Variants in LY86 observed in about 807,000 individuals in gnomAD.
The protein encoded by LY86 is MD-1, RP105-associated.
A neutral mutation model predicts 17.3 loss-of-function variants in LY86; 20 were observed. That is an observed-to-expected ratio of 1.15 (90% CI 0.81 to 1.68). The LOEUF is 1.68. Ranked by LOEUF, LY86 falls within the 40% of genes most tolerant of loss-of-function variation. The probability of loss-of-function intolerance (pLI) is 0.00; values close to 1 mark genes in which losing one functional copy is unlikely to be tolerated. For synonymous variants in LY86, 74 were observed against 70.6 expected, an observed-to-expected ratio of 1.05 and a Z score of -0.24; for missense variants, 200 against 191.9, an observed-to-expected ratio of 1.04 and a Z score of -0.25.
At chr6:6,643,333 C>T (rs926462397) in intron 3 of LY86, among the ~76,000 whole-genome samples, 1 of 152,070 alleles carries the variant, frequency 6.6e-6, no homozygotes, top group Non-Finnish European at 1.5e-5. Context: ...TATGATTCAG[C>T]CTTAAAAAAG....
intron 1 of LY86, among the ~76,000 whole-genome samples, chr6:6,607,457 T>C (rs1033931024): frequency 1.3e-5 from 2 of 151,954 alleles, no homozygotes; most frequent in African/African-American, 4.8e-5. Flanking sequence ...TGACTAGAAA[T>C]AAAGTATATG....
chr6:6,605,835 T>C (rs112257565), intron 1 of LY86, among the ~76,000 whole-genome samples: 10,256 of 152,136 alleles, frequency 0.067, 459 homozygotes, highest in Middle Eastern at 0.16. Flanking sequence ...ACTTTCCCGG[T>C]GAATGTTACA....
At chr6:6,637,931 C>A (rs1761983780) in intron 3 of LY86, among the ~76,000 whole-genome samples, 2 of 152,220 alleles carry the variant, frequency 1.3e-5, no homozygotes, top group South Asian at 4.1e-4. Context: ...AATTTAGGAA[C>A]TGGTTGGTAG....
At chr6:6,654,218 A>G (rs560325086) in intron 4 of LY86, among the ~76,000 whole-genome samples, 1 of 152,308 alleles carries the variant, frequency 6.6e-6, no homozygotes. Context: ...TCGTCTCAGC[A>G]GGGCCTCCTT....
chr6:6,633,965 A>G (rs1333846350), intron 3 of LY86, among the ~76,000 whole-genome samples: 1 of 152,184 alleles, frequency 6.6e-6, no homozygotes, highest in Non-Finnish European at 1.5e-5. Context: ...AGGTCAAGGA[A>G]TCTTCTTTGA....
intron 3 of LY86, among the ~76,000 whole-genome samples, chr6:6,643,065 A>G (rs1274290204): frequency 1.3e-5 from 2 of 152,234 alleles, no homozygotes; most frequent in Non-Finnish European, 2.9e-5. Context: ...GCCTCCCTGC[A>G]TGCAGGTATC....
intron 3 of LY86, among the ~76,000 whole-genome samples, chr6:6,646,894 A>G (rs770746614): frequency 2.6e-5 from 4 of 152,220 alleles, no homozygotes; most frequent in Non-Finnish European, 5.9e-5. Flanking sequence ...TAACTGGAGT[A>G]TCTTTAAATT....
At chr6:6,609,259 G>A (rs1262456453) in intron 1 of LY86, among the ~76,000 whole-genome samples, 1 of 152,214 alleles carries the variant, frequency 6.6e-6, no homozygotes, top group Non-Finnish European at 1.5e-5. Flanking sequence ...CAGAGTTGGA[G>A]CATCCAGCAG....
intron 1 of LY86, among the ~76,000 whole-genome samples, chr6:6,607,917 AAAAT>A (rs1761233307): frequency 6.6e-6 from 1 of 152,164 alleles, no homozygotes; most frequent in South Asian, 2.1e-4. Context: ...TAAAAATAAA[AAAAT>A]AAATCAGAAG....
intron 3 of LY86, among the ~76,000 whole-genome samples, chr6:6,633,068 G>A (rs1298977933): frequency 2.0e-5 from 3 of 152,166 alleles, no homozygotes; most frequent in South Asian, 2.1e-4. Flanking sequence ...AATATTCCAC[G>A]TCAGGAAGAT....
intron 1 of LY86, among the ~76,000 whole-genome samples, chr6:6,590,460 A>C (rs913849998): frequency 2.0e-5 from 3 of 152,134 alleles, no homozygotes; most frequent in Non-Finnish European, 4.4e-5. Flanking sequence ...ATATTTTTGG[A>C]CTGCAGTTGG....
At chr6:6,629,005 T>G (rs1237103998) in intron 3 of LY86, among the ~76,000 whole-genome samples, 1 of 152,214 alleles carries the variant, frequency 6.6e-6, no homozygotes, top group Admixed American at 6.5e-5. Flanking sequence ...TTAATAGGAT[T>G]GATAAAACAG....
At chr6:6,594,145 C>T (rs1258004084) in intron 1 of LY86, among the ~76,000 whole-genome samples, 2 of 152,198 alleles carry the variant, frequency 1.3e-5, no homozygotes, top group Non-Finnish European at 2.9e-5. Context: ...GTGACACATG[C>T]TCAAATGACT....
At position 6,654,701 on chromosome 6, in the gene LY86, T is replaced by C; in HGVS notation, c.*74T>C. ...CAAGCTCCTCTGACTGAACCTACTG[T>C]GGGAGGAGAAGCAGCTGATGACAGA... On this transcript the variant is annotated 3_prime_UTR_variant, in exon 5 of 5. Coordinates refer to ENST00000230568, the MANE Select transcript of LY86 (RefSeq NM_004271.4). 1 of 1,295,030 alleles carries C rather than the reference T, an allele frequency of 7.7e-7. No individual in the cohort carries two copies. The highest frequency in any genetic ancestry group is 1.2e-5 in the South Asian group (1 of 82,050). The allele number at this position is 1,295,030 out of a possible 1,614,324, so 80.2% of individuals were successfully genotyped here.
intron 3 of LY86, among the ~76,000 whole-genome samples, chr6:6,635,769 C>T (rs1457069418): frequency 1.3e-5 from 2 of 152,192 alleles, no homozygotes; most frequent in African/African-American, 4.8e-5. Context: ...ACTCATGTGC[C>T]TTGGCTCCTC....
chr6:6,612,222 C>G (rs147613765), intron 1 of LY86, among the ~76,000 whole-genome samples: 19 of 152,212 alleles, frequency 1.2e-4, no homozygotes, highest in Non-Finnish European at 2.2e-4. Flanking sequence ...CAGTTAAGTT[C>G]TTCAAGAGGG....
At chr6:6,593,572 T>G (rs780278025) in intron 1 of LY86, among the ~76,000 whole-genome samples, 5 of 152,268 alleles carry the variant, frequency 3.3e-5, no homozygotes, top group African/African-American at 4.8e-5. Context: ...GCACATACTG[T>G]GCACTCAATG....
chr6:6,639,289 T>C (rs1316191314), intron 3 of LY86, among the ~76,000 whole-genome samples: 2 of 151,708 alleles, frequency 1.3e-5, no homozygotes, highest in Non-Finnish European at 3.0e-5. Context: ...ATCCGTGTCA[T>C]GGTTCTGAAG....
chr6:6,640,893 T>A (rs1319029915), intron 3 of LY86, among the ~76,000 whole-genome samples: 1 of 152,198 alleles, frequency 6.6e-6, no homozygotes, highest in Non-Finnish European at 1.5e-5. Context: ...TAAATAACAT[T>A]AAATTTCTCT....
Sources: allele counts gnomAD v4.1 joint callset (sites outside exome capture counted in the v4.1 genomes callset), GRCh38; gene constraint gnomAD v4.1.1; transcripts MANE v1.5; gene names NCBI Gene and HGNC (gene_info 2026-07-23, HGNC 2026-07-21).